Variants in DAP observed in about 807,000 individuals in gnomAD.
The protein encoded by DAP is death-associated protein 1.
In DAP, 8 loss-of-function variants were observed where a neutral mutation model predicts 13.8. The ratio of observed to expected loss-of-function variants is 0.58; its 90% CI spans 0.34 to 1.05. The LOEUF is 1.05. DAP is among the 50% of genes least tolerant of loss of function. The pLI, the probability that DAP is intolerant of heterozygous loss-of-function variation, is 0.03. For missense variants in DAP, 106 were observed against 133.2 expected (o/e 0.80, Z 1.01); for synonymous variants, 47 against 47.5 (o/e 0.99, Z 0.04).
At chr5:10,715,201 A>G (rs1738953542) in intron 2 of DAP, among the ~76,000 whole-genome samples, 1 of 152,030 alleles carries the variant, frequency 6.6e-6, no homozygotes, top group South Asian at 2.1e-4. Flanking sequence ...CCAAATGTAA[A>G]ATGTTGGAGA....
At chr5:10,684,072 C>A (rs5745287) in intron 2 of DAP, among the ~76,000 whole-genome samples, 2 of 152,220 alleles carry the variant, frequency 1.3e-5, no homozygotes, top group African/African-American at 4.8e-5. Context: ...CATCCTTCCA[C>A]CTTGGCCTCC....
intron 2 of DAP, among the ~76,000 whole-genome samples, chr5:10,737,188 T>C (rs1739632365): frequency 6.6e-6 from 1 of 151,814 alleles, no homozygotes; most frequent in Non-Finnish European, 1.5e-5. Context: ...CTACTAAAAA[T>C]ACAATAATTA....
intron 1 of DAP, among the ~76,000 whole-genome samples, chr5:10,756,145 G>GT (rs1740176371): frequency 1.1e-5 from 1 of 93,152 alleles, no homozygotes; most frequent in African/African-American, 4.6e-5. Flanking sequence ...GTCTAGACAA[G>GT]AACAACAAAA....
intron 2 of DAP, among the ~76,000 whole-genome samples, chr5:10,731,444 C>G (rs1469437799): frequency 6.6e-6 from 1 of 152,186 alleles, no homozygotes; most frequent in Non-Finnish European, 1.5e-5. Context: ...ATCCCGAGCC[C>G]TGTGTGAGGG....
At chr5:10,755,000 T>C (rs955760605) in intron 1 of DAP, among the ~76,000 whole-genome samples, 6 of 152,220 alleles carry the variant, frequency 3.9e-5, no homozygotes, top group African/African-American at 1.4e-4. Context: ...GCTCATCAGC[T>C]GACTGTAAGC....
chr5:10,693,138 A>G (rs905946906), intron 2 of DAP, among the ~76,000 whole-genome samples: 13 of 145,262 alleles, frequency 8.9e-5, no homozygotes, highest in Admixed American at 4.1e-4. Context: ...ACACACACAC[A>G]CACACACACA....
At chr5:10,689,565 A>G (rs550980875) in intron 2 of DAP, among the ~76,000 whole-genome samples, 1 of 152,360 alleles carries the variant, frequency 6.6e-6, no homozygotes, top group African/African-American at 2.4e-5. Flanking sequence ...CTGCTCATAA[A>G]GACAGAGGAT....
At chr5:10,712,196 A>T (rs1415321726) in intron 2 of DAP, among the ~76,000 whole-genome samples, 1 of 152,186 alleles carries the variant, frequency 6.6e-6, no homozygotes, top group African/African-American at 2.4e-5. Context: ...GCCATCTACA[A>T]GCCAATGAGA....
intron 2 of DAP, among the ~76,000 whole-genome samples, chr5:10,697,419 T>A (rs1239461472): frequency 1.3e-5 from 2 of 152,350 alleles, no homozygotes; most frequent in African/African-American, 4.8e-5. Flanking sequence ...AACCGTTCCA[T>A]CTTTGATTCT....
chr5:10,708,804 A>C (rs550716402), intron 2 of DAP, among the ~76,000 whole-genome samples: 79 of 152,326 alleles, frequency 5.2e-4, no homozygotes, highest in Admixed American at 1.2e-3. Flanking sequence ...AAATGTTCTC[A>C]GCACCTCTAA....
At chr5:10,725,615 G>GA in intron 2 of DAP, among the ~76,000 whole-genome samples, 1 of 152,326 alleles carries the variant, frequency 6.6e-6, no homozygotes, top group South Asian at 2.1e-4. Context: ...GAGCTTGATG[G>GA]AAAGCAGTCC....
Position 10,683,690 on chromosome 5 carries a change from C to G in DAP, c.153-119G>C, listed in dbSNP as rs1579781657. On this transcript the variant is annotated intron_variant, in intron 2 of 3. Transcript: ENST00000230895. Reference sequence around the variant, plus strand: ...GAGGGCGTGGAGGCAGAATGGGAAGCAAACCTCTCCTCTGCGTTATTTGTT... The same window carrying G: ...GAGGGCGTGGAGGCAGAATGGGAAGGAAACCTCTCCTCTGCGTTATTTGTT... 6 of 871,604 alleles carry G rather than the reference C, an allele frequency of 6.9e-6. No homozygotes were observed. The East Asian group carries it at 1.5e-4, about 22-fold the overall frequency. 54.0% of individuals were successfully genotyped at this position (871,604 alleles called of 1,614,324 possible). A position where few individuals can be genotyped will look rare whatever the true frequency, so the allele number is the denominator to read the frequency against.
intron 3 of DAP, chr5:10,683,278 T>A: frequency 1.8e-6 from 1 of 548,646 alleles, no homozygotes; most frequent in Non-Finnish European, 3.3e-6. Context: ...TGGTGGGAGG[T>A]CTGCGCTTAA....
At chr5:10,754,778 G>A (rs926690291) in intron 1 of DAP, among the ~76,000 whole-genome samples, 7 of 152,212 alleles carry the variant, frequency 4.6e-5, no homozygotes, top group Non-Finnish European at 4.4e-5. Flanking sequence ...TTGGGAATTG[G>A]TTGAGGCTAG....
intron 2 of DAP, among the ~76,000 whole-genome samples, chr5:10,708,358 G>A (rs375406739): frequency 5.4e-5 from 8 of 147,892 alleles, no homozygotes; most frequent in African/African-American, 7.9e-5. Flanking sequence ...ACACACAGAC[G>A]CACATACACA....
rs1221024699 is a variant in DAP at position 10,680,977 on chromosome 5, A to C, written c.*79T>G. The stretch of plus-strand genomic sequence containing the variant: ...TTCCCAGCAGAGTAGGATTTGGGCG[A>C]AACTGCTGGTTCTCTCTGTCAGGGA... On this transcript the variant is annotated 3_prime_UTR_variant, in exon 4 of 4. Transcript: ENST00000230895. The C allele has an allele frequency of 4.5e-6, 7 of 1,547,040 alleles. No homozygotes were observed. The highest frequency in any genetic ancestry group is 6.1e-6 in the Non-Finnish European group (7 of 1,147,208).
chr5:10,738,302 T>C (rs1481420389), intron 2 of DAP, among the ~76,000 whole-genome samples: 1 of 152,270 alleles, frequency 6.6e-6, no homozygotes, highest in Non-Finnish European at 1.5e-5. Context: ...ACAATACTCA[T>C]AGAGTTGCAA....
In DAP at chr5:10,707,066, T is replaced by C. The variant is rs1297732630; in HGVS notation, c.153-23495A>G. Among the ~76,000 whole-genome samples the C allele has an allele frequency of 3.3e-5, 5 of 152,152 alleles. No individual in the cohort carries two copies. Among genetic ancestry groups the C allele is most frequent in the African/African-American group, 9.7e-5 (4 of 41,426 alleles). On this transcript the variant is annotated intron_variant, in intron 2 of 3. Transcript: ENST00000230895. This position sits in a 1 kb window ranked among gnomAD's most constrained non-coding sequence, Gnocchi z 4.0. Reference sequence around the variant, plus strand: ...AGGGGACTGGCCTTAAAAAAAGCCATGGGTCTGTCCCCAAGTCAGTCGGCC... The same window carrying C: ...AGGGGACTGGCCTTAAAAAAAGCCACGGGTCTGTCCCCAAGTCAGTCGGCC...
At chr5:10,739,200 T>C (rs1245683541) in intron 2 of DAP, among the ~76,000 whole-genome samples, 1 of 6,184 alleles carries the variant, frequency 1.6e-4, no homozygotes, top group African/African-American at 5.8e-4. Context: ...AGACTCTGAA[T>C]CAAAAAAAAA....
Sources: allele counts gnomAD v4.1 joint callset (sites outside exome capture counted in the v4.1 genomes callset), GRCh38; gene constraint gnomAD v4.1.1; non-coding constraint Gnocchi (gnomAD v3.1); transcripts MANE v1.5; gene names NCBI Gene and HGNC (gene_info 2026-07-23, HGNC 2026-07-21).